The following ABI1 variants were observed in gnomAD, a reference collection of about 807,000 sequenced individuals.
The protein encoded by ABI1 is abl interactor 1, also known as Abelson interactor 1.
Under a neutral mutation model 54.6 loss-of-function variants are expected in ABI1, and 14 were observed. The observed-to-expected ratio is 0.26, with a 90% CI of 0.17 to 0.40. The LOEUF (loss-of-function observed/expected upper bound fraction) is 0.40, where lower values mean the gene tolerates loss of function less well. Among genes scored for constraint, ABI1 ranks in the 10% least tolerant of loss-of-function variants. The pLI, the probability that ABI1 is intolerant of heterozygous loss-of-function variation, is 1.00. For synonymous variants in ABI1, 194 were observed against 209.3 expected, an observed-to-expected ratio of 0.93 and a Z score of 0.63; for missense variants, 443 against 598.3, an observed-to-expected ratio of 0.74 and a Z score of 2.71.
chr10:26,834,481 C>CA lies in ABI1; in HGVS notation c.118-11177dup, dbSNP rs551094201. ...ATAAGGAGCTCATACAATGCAATGG[C>CA]AAAAAAACAAATAATCCAAAAGGAA... On this transcript the variant is annotated intron_variant, in intron 1 of 10. Coordinates refer to ENST00000376140, the MANE Select transcript of ABI1 (RefSeq NM_001012750.3). 1.2e-3 allele frequency among the ~76,000 whole-genome samples: 179 copies of CA among 148,826 alleles called. 1 individual carries two copies. The South Asian group carries it at 0.016, about 13-fold the overall frequency.
In ABI1 at chr10:26,747,981, C is replaced by CTTCTT. The variant is rs1554801160; in HGVS notation, c.*588_*589insAAGAA. On this transcript the variant is annotated 3_prime_UTR_variant, in exon 11 of 11. Coordinates refer to ENST00000376140, the MANE Select transcript of ABI1 (RefSeq NM_001012750.3). ...AACATTACAGATAATTCTCTTTTTG[C>CTTCTT]TTGTTTCACATGGAGACCTTGGAGA... The CTTCTT allele has an allele frequency of 0.27, 53,610 of 201,190 alleles. 8,452 individuals carry two copies. The highest frequency in any genetic ancestry group is 0.46 in the African/African-American group (20,013 of 43,414). 12.5% of individuals were successfully genotyped at this position (201,190 alleles called of 1,614,324 possible).
chr10:26,858,537 GAAAA>G (rs60132421), intron 1 of ABI1, among the ~76,000 whole-genome samples: 156 of 94,234 alleles, frequency 1.7e-3, no homozygotes, highest in African/African-American at 4.0e-3. Context: ...CACAAAAAAA[GAAAA>G]AAAAAAAAAA....
At chr10:26,767,812 C>T (rs183853550) in intron 6 of ABI1, among the ~76,000 whole-genome samples, 155 of 152,154 alleles carry the variant, frequency 1.0e-3, no homozygotes, top group Admixed American at 3.5e-3. Context: ...TTTGGGAGGC[C>T]GAGGTGGGTG....
At chr10:26,858,450 A>T (rs1467553528) in intron 1 of ABI1, among the ~76,000 whole-genome samples, 1 of 142,482 alleles carries the variant, frequency 7.0e-6, no homozygotes, top group Non-Finnish European at 1.5e-5. Flanking sequence ...GCTTTGCGTG[A>T]ATTCTTTTTT....
At chr10:26,755,281 A>C (rs921254804) in intron 9 of ABI1, among the ~76,000 whole-genome samples, 3 of 152,150 alleles carry the variant, frequency 2.0e-5, no homozygotes, top group Non-Finnish European at 4.4e-5. Context: ...ATATCTACCT[A>C]TCTCTTGATA....
intron 2 of ABI1, among the ~76,000 whole-genome samples, chr10:26,781,986 GAGT>G: frequency 6.6e-6 from 1 of 152,246 alleles, no homozygotes; most frequent in African/African-American, 2.4e-5. Flanking sequence ...CTAGACTTAT[GAGT>G]CCTGGAAAAG....
chr10:26,789,876 C>T (rs547920352), intron 2 of ABI1, among the ~76,000 whole-genome samples: 71 of 152,250 alleles, frequency 4.7e-4, no homozygotes, highest in African/African-American at 1.7e-3. Context: ...TGAGAACATG[C>T]AGTATTTGGT....
intron 1 of ABI1, among the ~76,000 whole-genome samples, chr10:26,854,144 T>C (rs925159479): frequency 6.6e-5 from 10 of 152,094 alleles, no homozygotes; most frequent in Non-Finnish European, 1.2e-4. Flanking sequence ...CAAGAAAAAT[T>C]TGCAAGTATC....
At chr10:26,774,221 A>C (rs2132834996) in intron 3 of ABI1, among the ~76,000 whole-genome samples, 1 of 152,200 alleles carries the variant, frequency 6.6e-6, no homozygotes, top group Admixed American at 6.5e-5. Flanking sequence ...TATTTGTATT[A>C]TTTTTTACTC....
At chr10:26,854,398 T>C (rs1459208660) in intron 1 of ABI1, among the ~76,000 whole-genome samples, 12 of 150,920 alleles carry the variant, frequency 8.0e-5, no homozygotes, top group Admixed American at 7.3e-4. Context: ...ATATATGTGA[T>C]ATGGACTTTC....
chr10:26,804,094 A>G (rs892640822), intron 2 of ABI1, among the ~76,000 whole-genome samples: 2 of 152,182 alleles, frequency 1.3e-5, no homozygotes, highest in African/African-American at 2.4e-5. Flanking sequence ...GTCAAATACA[A>G]TAGATCGGCT....
chr10:26,776,665 TACAC>T (rs1229711285), intron 3 of ABI1: 1 of 154,092 alleles, frequency 6.5e-6, no homozygotes, highest in African/African-American at 2.4e-5. Context: ...GCATTATAGA[TACAC>T]ACACAGGTAT....
intron 3 of ABI1, among the ~76,000 whole-genome samples, chr10:26,775,407 CTTAA>C (rs1841262300): frequency 6.6e-6 from 1 of 151,974 alleles, no homozygotes; most frequent in South Asian, 2.1e-4. Context: ...TGTGAATGTA[CTTAA>C]TGTCACAGAA....
In ABI1 at chr10:26,765,326, GA is replaced by G. The variant is rs749204483; in HGVS notation, c.720-9del. ...CTTCCTCCACTACTTCCACTGAAAA[GA>G]AAAAAAAAAACTGTGAAAAACCAAT... On this transcript the variant is annotated splice_polypyrimidine_tract_variant and intron_variant, in intron 6 of 10. Coordinates refer to ENST00000376140, the MANE Select transcript of ABI1 (RefSeq NM_001012750.3). 6,362 of 1,198,686 alleles carry G rather than the reference GA, an allele frequency of 5.3e-3. 2 individuals are homozygous for G. The highest frequency in any genetic ancestry group is 0.017 in the East Asian group (528 of 31,242). 74.3% of individuals were successfully genotyped at this position (1,198,686 alleles called of 1,614,324 possible). A position where few individuals can be genotyped will look rare whatever the true frequency, so the allele number is the denominator to read the frequency against.
chr10:26,752,938 A>C (rs1837819152), intron 9 of ABI1, among the ~76,000 whole-genome samples: 1 of 152,178 alleles, frequency 6.6e-6, no homozygotes, highest in Non-Finnish European at 1.5e-5. Context: ...CCTGCAGGGG[A>C]GAAGTTCATA....
intron 10 of ABI1, 125 bp from the exon 11 acceptor site, chr10:26,748,870 TG>T (rs3839922): frequency 0.17 from 127,795 of 740,698 alleles, 11,704 homozygotes; most frequent in Admixed American, 0.24. Context: ...TCTTAATTTT[TG>T]TATCTATCAA....
chr10:26,752,519 T>G (rs1346587413), intron 9 of ABI1, among the ~76,000 whole-genome samples: 1 of 152,090 alleles, frequency 6.6e-6, no homozygotes, highest in Admixed American at 6.5e-5. Flanking sequence ...AAGCACGGGA[T>G]GAGGGAAAGC....
chr10:26,760,063 C>T (rs1244396163), intron 7 of ABI1, among the ~76,000 whole-genome samples: 1 of 148,892 alleles, frequency 6.7e-6, no homozygotes, highest in African/African-American at 2.5e-5. Context: ...TTTCATAGTA[C>T]ATCCAAAGAA....
intron 4 of ABI1, 86 bp downstream of exon 4, chr10:26,770,989 G>T: frequency 3.0e-6 from 4 of 1,342,812 alleles, no homozygotes; most frequent in Non-Finnish European, 4.3e-6. Flanking sequence ...ACAGACATAA[G>T]AAGAGTTTTC....
Sources: allele counts gnomAD v4.1 joint callset (sites outside exome capture counted in the v4.1 genomes callset), GRCh38; gene constraint gnomAD v4.1.1; transcripts MANE v1.5; gene names NCBI Gene and HGNC (gene_info 2026-07-23, HGNC 2026-07-21).